Variants in TLL1 observed in about 807,000 individuals in gnomAD.
TLL1 encodes the protein tolloid like 1, also known as tolloid-like protein 1.
Under a neutral mutation model 128.2 loss-of-function variants are expected in TLL1, and 49 were observed. The ratio of observed to expected loss-of-function variants is 0.38; its 90% CI spans 0.30 to 0.48. The LOEUF (loss-of-function observed/expected upper bound fraction) is 0.48, where lower values mean the gene tolerates loss of function less well. Ranked by LOEUF, TLL1 falls within the 20% of genes least tolerant of loss-of-function variation. The pLI is 0.96. For synonymous variants in TLL1, 454 were observed against 418.8 expected (o/e 1.08, Z -1.03); for missense variants, 1,123 against 1,242.0 (o/e 0.90, Z 1.44).
chr4:165,977,485 G>T (rs1735942463), intron 1 of TLL1, among the ~76,000 whole-genome samples: 1 of 152,080 alleles, frequency 6.6e-6, no homozygotes, highest in Admixed American at 6.6e-5. Flanking sequence ...ACCCAGTCAT[G>T]AATATTTCTT....
chr4:166,043,647 C>T (rs1467531292), intron 12 of TLL1, among the ~76,000 whole-genome samples: 1 of 152,062 alleles, frequency 6.6e-6, no homozygotes, highest in Non-Finnish European at 1.5e-5. Context: ...ATTATCTGTG[C>T]TATTTGAATT....
intron 17 of TLL1, 121 bp from the exon 18 acceptor site, chr4:166,077,782 G>C: frequency 7.3e-7 from 1 of 1,377,964 alleles, no homozygotes. Context: ...ACACGGGAGT[G>C]AAAATTAGCT....
intron 8 of TLL1, among the ~76,000 whole-genome samples, chr4:166,022,956 A>G (rs1738311147): frequency 1.3e-5 from 2 of 152,214 alleles, no homozygotes; most frequent in African/African-American, 4.8e-5. Flanking sequence ...TTGCAGAAGT[A>G]GTTGTATTGC....
chr4:166,096,388 AT>A (rs577736820), intron 19 of TLL1, among the ~76,000 whole-genome samples: 1 of 151,882 alleles, frequency 6.6e-6, no homozygotes, highest in African/African-American at 2.4e-5. Flanking sequence ...AATTTAAGGC[AT>A]TTTTTTTAAA....
intron 1 of TLL1, among the ~76,000 whole-genome samples, chr4:165,914,193 TC>T (rs1732674667): frequency 6.6e-6 from 1 of 152,200 alleles, no homozygotes; most frequent in Non-Finnish European, 1.5e-5. Flanking sequence ...TTTGGCTTTT[TC>T]TCTATTAGCG....
intron 7 of TLL1, among the ~76,000 whole-genome samples, chr4:166,009,496 TCTG>T (rs765427978): frequency 2.6e-5 from 4 of 151,512 alleles, no homozygotes; most frequent in Non-Finnish European, 5.9e-5. Flanking sequence ...CATAAATTAA[TCTG>T]CTCTTGTTGC....
chr4:166,059,189 G>A (rs1393564051), intron 14 of TLL1, among the ~76,000 whole-genome samples: 1 of 151,366 alleles, frequency 6.6e-6, no homozygotes. Flanking sequence ...TATAAATATA[G>A]CATATATGTA....
At position 166,059,166 on chromosome 4, in the gene TLL1, G is replaced by A. The variant is rs143447089; in HGVS notation, c.1847-862G>A. Among the ~76,000 whole-genome samples, 25 of 152,090 alleles carry A rather than the reference G, an allele frequency of 1.6e-4. 1 individual carries two copies. In the East Asian group the frequency reaches 4.5e-3, roughly 27 times the overall value. The stretch of plus-strand genomic sequence containing the variant: ...AGTGGTAAAAGTAACTACAGGTAGT[G>A]TTTGTATATACTTATAAATATAGCA... On this transcript the variant is annotated intron_variant, in intron 14 of 20. Coordinates refer to ENST00000061240, the MANE Select transcript of TLL1 (RefSeq NM_012464.5).
At chr4:165,955,831 T>C (rs1432144942) in intron 1 of TLL1, among the ~76,000 whole-genome samples, 1 of 152,128 alleles carries the variant, frequency 6.6e-6, no homozygotes, top group Non-Finnish European at 1.5e-5. Flanking sequence ...ATTATCAGGG[T>C]AACCTGCCCC....
At chr4:166,043,551 C>T in intron 12 of TLL1, 132 bp downstream of exon 12, 2 of 1,324,916 alleles carry the variant, frequency 1.5e-6, no homozygotes, top group East Asian at 4.6e-5. Flanking sequence ...AAGGATCGCT[C>T]ATAAAATGCA....
intron 2 of TLL1, among the ~76,000 whole-genome samples, chr4:165,989,754 C>T (rs1238802961): frequency 6.6e-6 from 1 of 150,680 alleles, no homozygotes; most frequent in Non-Finnish European, 1.5e-5. Flanking sequence ...TCTGAATCTT[C>T]ATGACAACCC....
intron 18 of TLL1, 35 bp from the exon 19 acceptor site, chr4:166,091,093 T>G: frequency 6.4e-7 from 1 of 1,558,008 alleles, no homozygotes; most frequent in African/African-American, 1.4e-5. Flanking sequence ...TGATTTGTTT[T>G]TTTTTAAAAA....
chr4:166,016,514 A>G lies in TLL1; in HGVS notation c.1042+1954A>G, dbSNP rs897055316. On this transcript the variant is annotated intron_variant, in intron 8 of 20. Coordinates refer to ENST00000061240, the MANE Select transcript of TLL1 (RefSeq NM_012464.5). ...TATTGTAATTTATTTTTTAGCCTAC[A>G]ATTCTTGGATATTTCAGTTATAAAC... Among the ~76,000 whole-genome samples the G allele has an allele frequency of 3.3e-5, 5 of 152,202 alleles. No individual in the cohort carries two copies. In the South Asian group the frequency reaches 8.3e-4, roughly 25 times the overall value.
intron 8 of TLL1, among the ~76,000 whole-genome samples, chr4:166,020,021 C>G (rs1738145235): frequency 6.6e-6 from 1 of 152,114 alleles, no homozygotes; most frequent in South Asian, 2.1e-4. Context: ...ATTTCTTGCT[C>G]TTGGCTTTAG....
intron 1 of TLL1, among the ~76,000 whole-genome samples, chr4:165,875,413 G>A (rs1054777096): frequency 6.6e-6 from 1 of 152,076 alleles, no homozygotes; most frequent in Non-Finnish European, 1.5e-5. Context: ...CATCTTTCTC[G>A]GTGCATCCTT....
At position 165,927,971 on chromosome 4, in the gene TLL1, C is replaced by T. The variant is rs557716528; in HGVS notation, c.169+53898C>T. ...CTCTTAGTTAAATAGGTATGTGTCA[C>T]TTGGTATGGAGATGAGTAAGCGTCT... On this transcript the variant is annotated intron_variant, in intron 1 of 20. Coordinates refer to ENST00000061240, the MANE Select transcript of TLL1 (RefSeq NM_012464.5). Among the ~76,000 whole-genome samples the T allele has an allele frequency of 1.1e-4, 17 of 151,924 alleles. No individual in the cohort carries two copies. The South Asian group carries it at 1.7e-3, about 15-fold the overall frequency.
Position 166,077,885 on chromosome 4 carries a change from T to C in TLL1, c.2315-18T>C, listed in dbSNP as rs139447531. 7.3e-5 allele frequency: 118 copies of C among 1,613,056 alleles called. No homozygotes were observed. The highest frequency in any genetic ancestry group is 9.2e-5 in the Non-Finnish European group (108 of 1,179,380). On this transcript the variant is annotated intron_variant, in intron 17 of 20. Coordinates refer to ENST00000061240, the MANE Select transcript of TLL1 (RefSeq NM_012464.5). ...GGCTGGATTGCCACACTGTCTGATATTATGGTTATTGGTGCAGCTGAGTGT... is the reference window on the plus strand; with the variant it reads ...GGCTGGATTGCCACACTGTCTGATACTATGGTTATTGGTGCAGCTGAGTGT...
intron 3 of TLL1, 170 bp downstream of exon 3, chr4:165,993,054 A>T: frequency 3.4e-6 from 2 of 587,898 alleles, no homozygotes; most frequent in Non-Finnish European, 6.0e-6. Flanking sequence ...GCCTTTTAGA[A>T]CTCATTTGGA....
At chr4:165,883,967 A>G (rs1241071512) in intron 1 of TLL1, among the ~76,000 whole-genome samples, 1 of 152,208 alleles carries the variant, frequency 6.6e-6, no homozygotes, top group Non-Finnish European at 1.5e-5. Flanking sequence ...GTCTTTCGGT[A>G]ATTTCTGGTT....
Sources: allele counts gnomAD v4.1 joint callset (sites outside exome capture counted in the v4.1 genomes callset), GRCh38; gene constraint gnomAD v4.1.1; transcripts MANE v1.5; gene names NCBI Gene and HGNC (gene_info 2026-07-23, HGNC 2026-07-21).